Variants in DSCAM observed in about 807,000 individuals in gnomAD.
DSCAM encodes the protein cell adhesion molecule DSCAM.
In DSCAM, 47 loss-of-function variants were observed where a neutral mutation model predicts 217.7. That is an observed-to-expected ratio of 0.22 (90% CI 0.17 to 0.28). The LOEUF is 0.28. DSCAM is among the 10% of genes least tolerant of loss of function. DSCAM has a pLI of 1.00. For synonymous variants in DSCAM, 1,056 were observed against 1,015.3 expected, an observed-to-expected ratio of 1.04 and a Z score of -0.76; for missense variants, 2,080 against 2,618.3, an observed-to-expected ratio of 0.79 and a Z score of 4.49.
At chr21:40,606,727 G>T (rs1277031328) in intron 3 of DSCAM, among the ~76,000 whole-genome samples, 2 of 152,228 alleles carry the variant, frequency 1.3e-5, no homozygotes, top group Non-Finnish European at 2.9e-5. Context: ...TCCATGGAAT[G>T]AACATCTCTC....
At chr21:40,733,579 G>A (rs1474705993) in intron 1 of DSCAM, among the ~76,000 whole-genome samples, 1 of 152,188 alleles carries the variant, frequency 6.6e-6, no homozygotes, top group Non-Finnish European at 1.5e-5. Flanking sequence ...ATAGGCCGCT[G>A]CTGAGAAACC....
intron 1 of DSCAM, among the ~76,000 whole-genome samples, chr21:40,840,617 A>C (rs781449634): frequency 1.3e-5 from 2 of 152,210 alleles, no homozygotes; most frequent in Non-Finnish European, 2.9e-5. Flanking sequence ...AAGTCCCATC[A>C]GATACTCGAA....
intron 16 of DSCAM, among the ~76,000 whole-genome samples, chr21:40,161,864 G>A: frequency 6.6e-6 from 1 of 152,130 alleles, no homozygotes; most frequent in Non-Finnish European, 1.5e-5. Flanking sequence ...ATTAAGTAAA[G>A]TTTATTTCAA....
chr21:40,224,669 A>G (rs1257237221), intron 11 of DSCAM, among the ~76,000 whole-genome samples: 1 of 152,340 alleles, frequency 6.6e-6, no homozygotes, highest in East Asian at 1.9e-4. Flanking sequence ...GCAATAAATG[A>G]CATCTTAAAT....
At chr21:40,226,530 G>A (rs1335711650) in intron 11 of DSCAM, among the ~76,000 whole-genome samples, 1 of 152,036 alleles carries the variant, frequency 6.6e-6, no homozygotes, top group Admixed American at 6.6e-5. Context: ...ATATAGATAC[G>A]GACAAGAGCT....
chr21:40,841,377 C>T (rs920219630), intron 1 of DSCAM, among the ~76,000 whole-genome samples: 1 of 152,166 alleles, frequency 6.6e-6, no homozygotes, highest in Admixed American at 6.5e-5. Context: ...TATCTTAACC[C>T]ATAGATTCGG....
chr21:40,080,298 C>T lies in DSCAM; in HGVS notation c.4274G>A (p.Gly1425Glu). The T allele has an allele frequency of 1.2e-6, 2 of 1,613,196 alleles. No individual in the cohort carries two copies. The highest frequency in any genetic ancestry group is 1.7e-6 in the Non-Finnish European group (2 of 1,179,806). ...QYSEDNSEQW[G>E]SFPISPSERS... is the part of the protein sequence containing the mutation. ...TTCGCTGGGGCTGATTGGAAAACTC[C>T]CCCACTGCTCACTATTGTCCTCGGA... The change falls in exon 25 of 33, where the codon GGG becomes GAG. Residue 1425 changes from glycine (G) to glutamate (E), a missense_variant. By Grantham distance (98) the Gly-to-Glu change is moderately conservative. Coordinates refer to ENST00000400454, the MANE Select transcript of DSCAM (RefSeq NM_001389.5).
At chr21:40,679,224 C>T (rs1301541968) in intron 3 of DSCAM, among the ~76,000 whole-genome samples, 1 of 152,174 alleles carries the variant, frequency 6.6e-6, no homozygotes, top group Non-Finnish European at 1.5e-5. Flanking sequence ...GGAAATAACA[C>T]CACCACTCTC....
chr21:40,152,368 G>C (rs1477104641), intron 16 of DSCAM, among the ~76,000 whole-genome samples: 2 of 152,168 alleles, frequency 1.3e-5, no homozygotes, highest in Non-Finnish European at 2.9e-5. Flanking sequence ...CTCCTTGTTA[G>C]GTTTCTCACA....
intron 3 of DSCAM, among the ~76,000 whole-genome samples, chr21:40,473,443 A>T (rs1033418254): frequency 5.9e-5 from 9 of 152,216 alleles, no homozygotes; most frequent in Non-Finnish European, 1.5e-5. Flanking sequence ...AATGGCTGCC[A>T]TGCTTTCCAA....
At chr21:40,141,979 C>CACACACACACACACACACACACACACAT (rs1274442662) in intron 18 of DSCAM, among the ~76,000 whole-genome samples, 23 of 151,422 alleles carry the variant, frequency 1.5e-4, no homozygotes, top group African/African-American at 5.4e-4. Context: ...TTGAAATACA[C>CACACACACACACACACACACACACACAT]ACACACACAC....
In DSCAM at chr21:40,410,141, T is replaced by C. The variant is rs143589039; in HGVS notation, c.509-40896A>G. Among the ~76,000 whole-genome samples, 925 of 152,068 alleles carry C rather than the reference T, an allele frequency of 6.1e-3. 7 individuals carry two copies. Among genetic ancestry groups the C allele is most frequent in the African/African-American group, 0.021 (879 of 41,492 alleles). ...TCAAGAAGGCAGAAAAAGGATAGTATAAATGGAAATAGAATATAAAAATTA... is the reference window on the plus strand; with the variant it reads ...TCAAGAAGGCAGAAAAAGGATAGTACAAATGGAAATAGAATATAAAAATTA... On this transcript the variant is annotated intron_variant, in intron 3 of 32. Coordinates refer to ENST00000400454, the MANE Select transcript of DSCAM (RefSeq NM_001389.5).
chr21:40,667,959 T>A (rs934615029), intron 3 of DSCAM, among the ~76,000 whole-genome samples: 1 of 152,334 alleles, frequency 6.6e-6, no homozygotes, highest in African/African-American at 2.4e-5. Context: ...TTATCTATCA[T>A]AGATCAAAAC....
In DSCAM at chr21:40,620,135, AAGAG is replaced by A. The variant is rs768744422; in HGVS notation, c.508+72671_508+72674del. 3.7e-5 allele frequency among the ~76,000 whole-genome samples: 4 copies of A among 107,126 alleles called. 1 individual carries two copies. Among genetic ancestry groups the A allele is most frequent in the Non-Finnish European group, 7.6e-5 (4 of 52,872 alleles). The allele number at this position is 107,126 out of a possible 152,430, so 70.3% of individuals were successfully genotyped here. On this transcript the variant is annotated intron_variant, in intron 3 of 32. Transcript: ENST00000400454. ...AGAAAAAGAAAGAAAGAGAGAGAGA[AAGAG>A]AGAGAAAAAAGAAAAAGAAAGAAAG... is the stretch of plus-strand genomic sequence containing the variant.
At chr21:40,108,434 G>T (rs548485616) in intron 20 of DSCAM, among the ~76,000 whole-genome samples, 2 of 152,268 alleles carry the variant, frequency 1.3e-5, no homozygotes, top group East Asian at 3.9e-4. Context: ...ACCTTGGAAT[G>T]AAGCTAACTA....
chr21:40,646,760 G>C (rs2089952215), intron 3 of DSCAM, among the ~76,000 whole-genome samples: 1 of 152,178 alleles, frequency 6.6e-6, no homozygotes, highest in Non-Finnish European at 1.5e-5. Flanking sequence ...AGCTGCCAGG[G>C]AACACTCTCG....
intron 3 of DSCAM, among the ~76,000 whole-genome samples, chr21:40,521,641 C>T (rs572525721): frequency 2.0e-5 from 3 of 148,134 alleles, no homozygotes; most frequent in Non-Finnish European, 3.0e-5. Flanking sequence ...TCAAATACCA[C>T]GTTTTCACTC....
In DSCAM at chr21:40,146,412, G is replaced by A. The variant is rs544344185; in HGVS notation, c.3019-1681C>T. ...CTTGAAAACCTGCCAAATGTGACCG[G>A]GGGAGGGCAGACAATGAGAAGTCAG... On this transcript the variant is annotated intron_variant, in intron 16 of 32. Transcript: ENST00000400454. Among the ~76,000 whole-genome samples, 7 of 152,296 alleles carry A rather than the reference G, an allele frequency of 4.6e-5. No homozygotes were observed. In the East Asian group the frequency reaches 1.4e-3, roughly 29 times the overall value.
intron 1 of DSCAM, among the ~76,000 whole-genome samples, chr21:40,837,161 G>A (rs1464958404): frequency 6.6e-6 from 1 of 152,118 alleles, no homozygotes; most frequent in Non-Finnish European, 1.5e-5. Flanking sequence ...TGTGGCTATG[G>A]GGCTGGCACA....
Sources: gnomAD v4.1 joint callset for allele counts (sites outside exome capture counted in the v4.1 genomes callset) on GRCh38, gnomAD v4.1.1 for gene constraint, MANE v1.5 for transcripts, NCBI Gene and HGNC (gene_info 2026-07-23, HGNC 2026-07-21) for gene names.